CHCHD3: variants seen among roughly 807,000 people sequenced by gnomAD.
The protein encoded by CHCHD3 is coiled-coil-helix-coiled-coil-helix domain containing 3.
In CHCHD3, 20 loss-of-function variants were observed where a neutral mutation model predicts 38.2. That is an observed-to-expected ratio of 0.52 (90% confidence interval 0.37 to 0.76). CHCHD3 has a LOEUF of 0.76. Ranked by LOEUF, CHCHD3 falls within the 30% of genes least tolerant of loss-of-function variation. CHCHD3 has a pLI of 0.00. For missense variants in CHCHD3, 245 were observed against 279.2 expected (o/e 0.88, Z 0.87); for synonymous variants, 82 against 100.0 (o/e 0.82, Z 1.07).
At chr7:133,022,641 T>G in intron 3 of CHCHD3, 1 of 387,186 alleles carries the variant, frequency 2.6e-6, no homozygotes, top group Non-Finnish European at 5.0e-6. Context: ...AAAGAAAAAA[T>G]AATACAAAGG....
intron 2 of CHCHD3, among the ~76,000 whole-genome samples, chr7:133,043,081 T>C (rs767058810): frequency 1.2e-4 from 19 of 152,054 alleles, no homozygotes; most frequent in Non-Finnish European, 2.6e-4. Flanking sequence ...TTGTCCAGGC[T>C]GGTCTCAAAC....
intron 5 of CHCHD3, among the ~76,000 whole-genome samples, chr7:132,873,650 A>C (rs1026762306): frequency 6.6e-6 from 1 of 152,112 alleles, no homozygotes; most frequent in Admixed American, 6.6e-5. Context: ...ACAAGGATGT[A>C]CACAATGCAT....
intron 5 of CHCHD3, among the ~76,000 whole-genome samples, chr7:132,857,230 T>C (rs2117125625): frequency 6.6e-6 from 1 of 152,182 alleles, no homozygotes; most frequent in South Asian, 2.1e-4. Flanking sequence ...GGCTGTCTTA[T>C]TAAATCCATG....
In CHCHD3 at chr7:132,879,222, C is replaced by T. The variant is rs1006435911; in HGVS notation, c.453+6440G>A. Among the ~76,000 whole-genome samples the T allele has an allele frequency of 5.3e-5, 8 of 152,154 alleles. 1 individual carries two copies. Among genetic ancestry groups the T allele is most frequent in the Non-Finnish European group, 8.8e-5 (6 of 68,028 alleles). On this transcript the variant is annotated intron_variant, in intron 5 of 7. Transcript: ENST00000262570. Reference sequence around the variant, plus strand: ...GTGGCCCATCTTACAAACATATCTTCATATTTAAGAATGCAAATAAATTGT... The same window carrying T: ...GTGGCCCATCTTACAAACATATCTTTATATTTAAGAATGCAAATAAATTGT...
At chr7:132,939,052 G>A (rs1456184019) in intron 4 of CHCHD3, among the ~76,000 whole-genome samples, 1 of 152,094 alleles carries the variant, frequency 6.6e-6, no homozygotes, top group Non-Finnish European at 1.5e-5. Flanking sequence ...GAAGAAGATG[G>A]CTTTACACTT....
chr7:132,959,988 CG>C (rs1296322995), intron 4 of CHCHD3, among the ~76,000 whole-genome samples: 1 of 152,126 alleles, frequency 6.6e-6, no homozygotes, highest in Non-Finnish European at 1.5e-5. Flanking sequence ...AAGTAACAAA[CG>C]TATCTCCAGA....
chr7:132,952,895 T>A (rs550809318), intron 4 of CHCHD3, among the ~76,000 whole-genome samples: 1 of 152,330 alleles, frequency 6.6e-6, no homozygotes, highest in African/African-American at 2.4e-5. Flanking sequence ...TTTGAAGTGT[T>A]CTAAAGAGGT....
chr7:132,790,701 AACC>A (rs1361111882), intron 7 of CHCHD3, among the ~76,000 whole-genome samples: 3 of 152,194 alleles, frequency 2.0e-5, no homozygotes, highest in Non-Finnish European at 4.4e-5. Context: ...CCAGAAAGTT[AACC>A]TTCTTGATTA....
At chr7:132,931,913 C>T (rs576162401) in intron 4 of CHCHD3, among the ~76,000 whole-genome samples, 1 of 152,104 alleles carries the variant, frequency 6.6e-6, no homozygotes. Context: ...AAATATAATG[C>T]AGCTTTACAC....
chr7:132,823,776 T>G (rs971912933), intron 6 of CHCHD3, among the ~76,000 whole-genome samples: 17 of 152,228 alleles, frequency 1.1e-4, no homozygotes, highest in Non-Finnish European at 1.5e-5. Flanking sequence ...CACATACGTT[T>G]GTCTCTCACA....
At chr7:132,875,223 G>A (rs73162615) in intron 5 of CHCHD3, among the ~76,000 whole-genome samples, 4,134 of 152,144 alleles carry the variant, frequency 0.027, 83 homozygotes, top group Non-Finnish European at 0.045. Context: ...TTCTGAGAAG[G>A]CCTGTAGAAA....
intron 3 of CHCHD3, among the ~76,000 whole-genome samples, chr7:132,991,056 A>G (rs1224500614): frequency 1.3e-5 from 2 of 152,118 alleles, no homozygotes; most frequent in Non-Finnish European, 2.9e-5. Context: ...CCATGAAGCC[A>G]GAGTAAACAT....
At chr7:132,821,621 G>T (rs1032935999) in intron 6 of CHCHD3, among the ~76,000 whole-genome samples, 1 of 151,880 alleles carries the variant, frequency 6.6e-6, no homozygotes, top group South Asian at 2.1e-4. Context: ...TCTTTCTTAC[G>T]TCTACTTCCT....
At chr7:132,953,504 GACAACT>G (rs1365860918) in intron 4 of CHCHD3, among the ~76,000 whole-genome samples, 3 of 152,120 alleles carry the variant, frequency 2.0e-5, no homozygotes, top group Non-Finnish European at 4.4e-5. Flanking sequence ...TGGACTACTG[GACAACT>G]CAAAGGAGCC....
intron 4 of CHCHD3, among the ~76,000 whole-genome samples, chr7:132,899,989 G>A (rs1809623410): frequency 6.6e-6 from 1 of 152,150 alleles, no homozygotes; most frequent in South Asian, 2.1e-4. Flanking sequence ...ACAACATTTG[G>A]AAATAACCGT....
In CHCHD3 at chr7:133,081,896, C is replaced by T. The variant is rs1368982139; in HGVS notation, c.42G>A (p.Ala14=). 3.2e-6 allele frequency: 5 copies of T among 1,560,086 alleles called. No homozygotes were observed. In the African/African-American group the frequency reaches 5.4e-5, roughly 17 times the overall value. ...TTSTRRVTFE[A]DENENITVVK... ...CCACGGTGATGTTCTCATTCTCGTCCGCCTCGAAGGTGACCCGGCGGGTGC... is the reference window on the plus strand; with the variant it reads ...CCACGGTGATGTTCTCATTCTCGTCTGCCTCGAAGGTGACCCGGCGGGTGC... Residue 14 remains alanine (A), a synonymous_variant, in exon 1 of 8, where the codon GCG becomes GCA. Coordinates refer to ENST00000262570, the MANE Select transcript of CHCHD3 (RefSeq NM_017812.4).
intron 3 of CHCHD3, among the ~76,000 whole-genome samples, chr7:132,982,867 CA>C (rs756556255): frequency 3.3e-5 from 5 of 151,710 alleles, no homozygotes; most frequent in African/African-American, 9.7e-5. Flanking sequence ...ATATATTGAA[CA>C]TTTTTTTGAA....
chr7:132,921,221 C>T lies in CHCHD3; in HGVS notation c.370-35476G>A, dbSNP rs1051229741. Among the ~76,000 whole-genome samples the T allele has an allele frequency of 3.3e-5, 5 of 152,124 alleles. No individual in the cohort carries two copies. The South Asian group carries it at 8.3e-4, about 25-fold the overall frequency. ...TCCAATTTAAAAAAGATTTGAGGGT[C>T]TATATATACATTAAGCAAAAAGTTA... On this transcript the variant is annotated intron_variant, in intron 4 of 7. Transcript: ENST00000262570.
intron 4 of CHCHD3, among the ~76,000 whole-genome samples, chr7:132,964,188 A>G (rs576115949): frequency 1.3e-5 from 2 of 152,342 alleles, no homozygotes; most frequent in African/African-American, 2.4e-5. Flanking sequence ...TCTACTCTCA[A>G]CAAGCATTCT....
Sources: allele counts gnomAD v4.1 joint callset (sites outside exome capture counted in the v4.1 genomes callset), GRCh38; gene constraint gnomAD v4.1.1; transcripts MANE v1.5; gene names NCBI Gene and HGNC (gene_info 2026-07-23, HGNC 2026-07-21).